The following PALD1 variants were observed in gnomAD, a reference collection of about 807,000 sequenced individuals.
PALD1 encodes the protein phosphatase domain containing paladin 1, also known as paladin.
PALD1 carries 57 observed loss-of-function variants against 96.0 expected under a neutral mutation model. The ratio of observed to expected loss-of-function variants is 0.59; its 90% confidence interval spans 0.48 to 0.74. The LOEUF (loss-of-function observed/expected upper bound fraction) is 0.74, where lower values mean the gene tolerates loss of function less well. Ranked by LOEUF, PALD1 falls within the 30% of genes least tolerant of loss-of-function variation. The pLI is 0.00. For missense variants in PALD1, 1,063 were observed against 1,143.7 expected (o/e 0.93, Z 1.02); for synonymous variants, 464 against 473.6 (o/e 0.98, Z 0.26).
chr10:70,538,990 G>GGCCCA lies in PALD1; in HGVS notation c.1559_1563dup (p.Ala522ProfsTer13). On this transcript the variant is annotated frameshift_variant, in exon 13 of 20. Transcript: ENST00000263563. LOFTEE classifies it high-confidence loss of function. The stretch of plus-strand genomic sequence containing the variant: ...TGCCCCGCATGCCCATCTACGGCAC[G>GGCCCA]GCCCAGCCCAGCGCCAAGGTGACCG... 6.2e-7 allele frequency: 1 copy of GGCCCA among 1,613,812 alleles called. No homozygotes were observed.
At chr10:70,464,528 C>T in the PALD1 span, among the ~76,000 whole-genome samples, 1 of 151,766 alleles carries the variant, frequency 6.6e-6, no homozygotes, top group African/African-American at 2.4e-5. Flanking sequence ...TTCTTTCACT[C>T]ATCATTAGGT....
chr10:70,549,599 G>A (rs144798723), intron 18 of PALD1, among the ~76,000 whole-genome samples: 98 of 152,392 alleles, frequency 6.4e-4, no homozygotes, highest in African/African-American at 2.3e-3. Context: ...AGGTGGGAGG[G>A]GATGCATGGC....
chr10:70,481,328 C>T (rs764797243), intron 1 of PALD1, among the ~76,000 whole-genome samples: 29 of 152,150 alleles, frequency 1.9e-4, no homozygotes, highest in Non-Finnish European at 3.5e-4. Context: ...TGTTTCCCTG[C>T]GTGGCACAGT....
At chr10:70,548,122 A>G (rs1669990819) in intron 18 of PALD1, among the ~76,000 whole-genome samples, 2 of 152,222 alleles carry the variant, frequency 1.3e-5, no homozygotes, top group Admixed American at 1.3e-4. Context: ...ACTGGCCAAC[A>G]TGGTGAAACT....
At chr10:70,511,292 G>A (rs1438781627) in intron 1 of PALD1, among the ~76,000 whole-genome samples, 1 of 152,180 alleles carries the variant, frequency 6.6e-6, no homozygotes, top group African/African-American at 2.4e-5. Flanking sequence ...GACCAGGTCT[G>A]GTATAGTAGC....
intron 4 of PALD1, among the ~76,000 whole-genome samples, 162 bp from the exon 5 acceptor site, chr10:70,531,127 AT>A (rs1247903501): frequency 6.6e-5 from 10 of 152,120 alleles, no homozygotes; most frequent in Admixed American, 1.3e-4. Flanking sequence ...GGGAGGTAGC[AT>A]TTGGACTGAG....
At chr10:70,523,630 A>G (rs72811332) in intron 1 of PALD1, among the ~76,000 whole-genome samples, 22,722 of 152,104 alleles carry the variant, frequency 0.15, 2,015 homozygotes, top group Middle Eastern at 0.26. Flanking sequence ...TGCCAAAAAG[A>G]GAGAGAAAGA....
At chr10:70,479,254 T>C (rs1346082028) in intron 1 of PALD1, among the ~76,000 whole-genome samples, 195 bp downstream of exon 1, 1 of 151,874 alleles carries the variant, frequency 6.6e-6, no homozygotes, top group Admixed American at 6.6e-5. Flanking sequence ...AGTTGCTGGG[T>C]GGTTGTGTGT....
At chr10:70,566,538 TC>T in intron 19 of PALD1, 42 bp from the exon 20 acceptor site, 1 of 1,524,872 alleles carries the variant, frequency 6.6e-7, no homozygotes. Flanking sequence ...AGTGGCACCC[TC>T]CCTCCCCTGA....
chr10:70,505,175 G>C (rs1258675334), intron 1 of PALD1, among the ~76,000 whole-genome samples: 1 of 152,176 alleles, frequency 6.6e-6, no homozygotes, highest in Non-Finnish European at 1.5e-5. Context: ...ACTCACAGTG[G>C]GTGACACACG....
intron 1 of PALD1, among the ~76,000 whole-genome samples, chr10:70,523,016 G>A (rs1461185878): frequency 6.6e-6 from 1 of 152,230 alleles, no homozygotes; most frequent in Admixed American, 6.5e-5. Context: ...GAGAGCTACA[G>A]TGTGACAAGC....
the PALD1 span, among the ~76,000 whole-genome samples, chr10:70,465,256 G>A: frequency 6.6e-6 from 1 of 152,178 alleles, no homozygotes; most frequent in Non-Finnish European, 1.5e-5. Context: ...TTACAGGCGT[G>A]AGCCACCGCA....
rs1464608867 is a variant in PALD1, at chr10:70,508,815, GTGTGCAGGCCTGTGGGAGCTGCGGAACC to G, written c.-29-17103_-29-17076del. ...TGTGTGTGTGTGTGTGTGTGTGTGT[GTGTGCAGGCCTGTGGGAGCTGCGGAACC>G]TGTGTGTGTGTGTGCAGGCCTGTGG... On this transcript the variant is annotated intron_variant, in intron 1 of 19. Coordinates refer to ENST00000263563, the MANE Select transcript of PALD1 (RefSeq NM_014431.3). Among the ~76,000 whole-genome samples the G allele has an allele frequency of 4.7e-3, 466 of 98,956 alleles. 5 individuals carry two copies. The highest frequency in any genetic ancestry group is 0.016 in the African/African-American group (441 of 28,404). 64.9% of individuals were successfully genotyped at this position (98,956 alleles called of 152,430 possible).
chr10:70,559,041 T>C (rs1847676627), intron 18 of PALD1, among the ~76,000 whole-genome samples: 1 of 152,192 alleles, frequency 6.6e-6, no homozygotes, highest in South Asian at 2.1e-4. Context: ...CCCTGGACCA[T>C]GAAGAAAGGC....
Position 70,478,994 on chromosome 10 carries a change from C to T in PALD1, c.-95C>T, listed in dbSNP as rs1270547713. The T allele has an allele frequency of 1.3e-5, 2 of 152,006 alleles. No individual in the cohort carries two copies. The highest frequency in any genetic ancestry group is 2.9e-5 in the Non-Finnish European group (2 of 68,020). The allele number at this position is 152,006 out of a possible 1,614,324, so 9.4% of individuals were successfully genotyped here. Reference sequence around the variant, plus strand: ...GCCCCGTCGCTGCCTGACTCGGCGCCCGCAGTTCGGGCGCAGCACGCCGGC... The same window carrying T: ...GCCCCGTCGCTGCCTGACTCGGCGCTCGCAGTTCGGGCGCAGCACGCCGGC... On this transcript the variant is annotated 5_prime_UTR_variant, in exon 1 of 20. Coordinates refer to ENST00000263563, the MANE Select transcript of PALD1 (RefSeq NM_014431.3).
At chr10:70,495,278 T>C (rs1233151079) in intron 1 of PALD1, among the ~76,000 whole-genome samples, 3 of 152,240 alleles carry the variant, frequency 2.0e-5, no homozygotes, top group Non-Finnish European at 4.4e-5. Flanking sequence ...CAGCCCCTGG[T>C]AGCCCACATC....
intron 1 of PALD1, among the ~76,000 whole-genome samples, chr10:70,525,655 G>A (rs1846842689): frequency 6.6e-6 from 1 of 152,066 alleles, no homozygotes; most frequent in Non-Finnish European, 1.5e-5. Flanking sequence ...CACAAGAGGA[G>A]TGTAAACTAA....
intron 1 of PALD1, among the ~76,000 whole-genome samples, chr10:70,499,750 G>A (rs890049013): frequency 1.3e-5 from 2 of 152,212 alleles, no homozygotes; most frequent in African/African-American, 4.8e-5. Flanking sequence ...GTTCATTCTT[G>A]TGGGTTTTGT....
rs12776085 is a variant in PALD1 at position 70,540,987 on chromosome 10, C to A, written c.1909-115C>A. On this transcript the variant is annotated intron_variant, in intron 15 of 19. Transcript: ENST00000263563. The surrounding 1 kb of genome is among the most constrained non-coding windows in gnomAD (Gnocchi z 4.2). ...TGTTTGTGTGTGCAAGCTTGGGAGC[C>A]TGACAATTTCTGGCCCGAGGACAGT... 2.6e-6 allele frequency: 3 copies of A among 1,174,306 alleles called. No individual in the cohort carries two copies. The highest frequency in any genetic ancestry group is 3.0e-5 in the South Asian group (2 of 67,120). 72.7% of individuals were successfully genotyped at this position (1,174,306 alleles called of 1,614,324 possible).
Sources: gnomAD v4.1 joint callset for allele counts (sites outside exome capture counted in the v4.1 genomes callset) on GRCh38, gnomAD v4.1.1 for gene constraint, Gnocchi (gnomAD v3.1) non-coding constraint, MANE v1.5 for transcripts, NCBI Gene and HGNC (gene_info 2026-07-23, HGNC 2026-07-21) for gene names.